AGMO: variants seen among roughly 807,000 people sequenced by gnomAD.
The protein encoded by AGMO is glyceryl-ether monooxygenase.
In AGMO, 75 loss-of-function variants were observed where a neutral mutation model predicts 60.2. That is an observed-to-expected ratio of 1.25 (90% CI 1.03 to 1.51). AGMO has a LOEUF of 1.51. Ranked by LOEUF, AGMO falls within the 40% of genes most tolerant of loss-of-function variation. The pLI, the probability that AGMO is intolerant of heterozygous loss-of-function variation, is 0.00. For synonymous variants in AGMO, 261 were observed against 177.1 expected, an observed-to-expected ratio of 1.47 and a Z score of -3.76; for missense variants, 763 against 525.5, an observed-to-expected ratio of 1.45 and a Z score of -4.42.
intron 2 of AGMO, among the ~76,000 whole-genome samples, chr7:15,548,798 T>C (rs1784863988): frequency 1.3e-5 from 2 of 152,140 alleles, no homozygotes; most frequent in Admixed American, 1.3e-4. Context: ...AACGTTCAGT[T>C]TCAGGAAATA....
At chr7:15,225,357 T>A (rs1216420286) in intron 12 of AGMO, among the ~76,000 whole-genome samples, 14 of 152,010 alleles carry the variant, frequency 9.2e-5, no homozygotes, top group Non-Finnish European at 7.4e-5. Context: ...TTGTATTTTC[T>A]TATGATATGT....
chr7:15,320,091 C>T (rs1056903567), intron 12 of AGMO, among the ~76,000 whole-genome samples: 2 of 139,618 alleles, frequency 1.4e-5, no homozygotes, highest in Non-Finnish European at 3.0e-5. Context: ...GGAAGGGGAA[C>T]ATCACACACT....
chr7:15,268,926 G>C (rs556116829), intron 12 of AGMO, among the ~76,000 whole-genome samples: 6 of 152,028 alleles, frequency 3.9e-5, no homozygotes, highest in African/African-American at 7.2e-5. Flanking sequence ...TGTTGAAGCT[G>C]GGTGTTGACT....
intron 8 of AGMO, among the ~76,000 whole-genome samples, chr7:15,388,940 T>C (rs1378425988): frequency 1.3e-5 from 2 of 152,206 alleles, no homozygotes; most frequent in African/African-American, 4.8e-5. Flanking sequence ...ACCTAGAGAA[T>C]TGAACCTAAC....
chr7:15,192,960 ATTC>A, the AGMO span, among the ~76,000 whole-genome samples: 1 of 152,240 alleles, frequency 6.6e-6, no homozygotes, highest in African/African-American at 2.4e-5. Context: ...CAGAATAATT[ATTC>A]TTAATATATA....
chr7:15,557,292 A>G (rs1264529635), intron 2 of AGMO, among the ~76,000 whole-genome samples: 1 of 152,108 alleles, frequency 6.6e-6, no homozygotes, highest in Non-Finnish European at 1.5e-5. Flanking sequence ...AATTCTTCAC[A>G]AACGAATTAG....
intron 12 of AGMO, among the ~76,000 whole-genome samples, chr7:15,213,728 C>G (rs1265502031): frequency 6.6e-6 from 1 of 151,884 alleles, no homozygotes; most frequent in East Asian, 1.9e-4. Context: ...CACTCTGCTT[C>G]CCAAAATTTT....
rs57188178 is a variant in AGMO, at chr7:15,357,105, G to A, written c.1263+8409C>T. On this transcript the variant is annotated intron_variant, in intron 12 of 12. Coordinates refer to ENST00000342526, the MANE Select transcript of AGMO (RefSeq NM_001004320.2). ...CACCATTGCACAGAAGCGAGACTCT[G>A]TCTCATGAAAAAAAAAAAGAAAAAA... is the stretch of plus-strand genomic sequence containing the variant. 2.4e-3 allele frequency among the ~76,000 whole-genome samples: 356 copies of A among 149,896 alleles called. 3 individuals are homozygous for A. Among genetic ancestry groups the A allele is most frequent in the African/African-American group, 8.3e-3 (336 of 40,722 alleles).
At chr7:15,161,396 ATCTC>A in the AGMO span, among the ~76,000 whole-genome samples, 36 of 151,712 alleles carry the variant, frequency 2.4e-4, 1 homozygote, top group South Asian at 1.5e-3. Flanking sequence ...TCTTCCTTAA[ATCTC>A]TCTATCTCTC....
intron 12 of AGMO, among the ~76,000 whole-genome samples, chr7:15,329,899 AAG>A (rs1781450205): frequency 6.6e-6 from 1 of 152,096 alleles, no homozygotes; most frequent in South Asian, 2.1e-4. Context: ...CGGGTCTCTA[AAG>A]TTAACAGAGT....
the AGMO span, among the ~76,000 whole-genome samples, chr7:15,132,185 C>T: frequency 6.6e-5 from 10 of 152,022 alleles, no homozygotes; most frequent in African/African-American, 1.2e-4. Flanking sequence ...CTCTGGTGTT[C>T]GCTGATATTA....
intron 12 of AGMO, among the ~76,000 whole-genome samples, chr7:15,272,712 T>TC (rs1230594370): frequency 6.6e-6 from 1 of 152,206 alleles, no homozygotes; most frequent in Non-Finnish European, 1.5e-5. Flanking sequence ...GACACTGTCT[T>TC]CCACAATGGT....
intron 10 of AGMO, among the ~76,000 whole-genome samples, chr7:15,379,284 G>C (rs944770150): frequency 2.0e-5 from 3 of 152,020 alleles, no homozygotes; most frequent in East Asian, 1.9e-4. Flanking sequence ...AAGCAAAGGA[G>C]ATTGAGACAT....
Position 15,379,920 on chromosome 7 carries a change from T to TC in AGMO, c.1074+5525dup, listed in dbSNP as rs76185249. Reference sequence around the variant, plus strand: ...ACTAAAGACAGAAAGCATATGATTATCCCAATAGATGCAGAAAAAGACTTT... The same window carrying TC: ...ACTAAAGACAGAAAGCATATGATTATCCCCAATAGATGCAGAAAAAGACTTT... On this transcript the variant is annotated intron_variant, in intron 10 of 12. Coordinates refer to ENST00000342526, the MANE Select transcript of AGMO (RefSeq NM_001004320.2). 2.6e-3 allele frequency among the ~76,000 whole-genome samples: 397 copies of TC among 152,258 alleles called. 8 individuals carry two copies. The highest frequency in any genetic ancestry group is 1.5e-3 in the East Asian group (8 of 5,182).
At chr7:15,493,362 C>CACACACA (rs71004386) in intron 3 of AGMO, among the ~76,000 whole-genome samples, 11 of 102,260 alleles carry the variant, frequency 1.1e-4, no homozygotes, top group South Asian at 6.2e-4. Context: ...CACACACACA[C>CACACACA]TTCTTTTTTT....
chr7:15,181,388 G>A, the AGMO span, among the ~76,000 whole-genome samples: 1 of 152,026 alleles, frequency 6.6e-6, no homozygotes, highest in East Asian at 1.9e-4. Context: ...ACTTCCTCCT[G>A]AGCTAGAGCC....
chr7:15,228,612 A>G (rs907644987), intron 12 of AGMO, among the ~76,000 whole-genome samples: 2 of 152,176 alleles, frequency 1.3e-5, no homozygotes, highest in African/African-American at 4.8e-5. Context: ...ATTAAGAGAA[A>G]AGGAGGAAGG....
chr7:15,439,774 C>A (rs925962403), intron 3 of AGMO, among the ~76,000 whole-genome samples: 1 of 152,042 alleles, frequency 6.6e-6, no homozygotes, highest in African/African-American at 2.4e-5. Flanking sequence ...TTTATTTTTC[C>A]CTTTACTACC....
At chr7:15,248,222 A>ATATATCTATATCTATC (rs1554401294) in intron 12 of AGMO, among the ~76,000 whole-genome samples, 6 of 104,188 alleles carry the variant, frequency 5.8e-5, no homozygotes, top group African/African-American at 2.2e-4. Flanking sequence ...ATATATATAT[A>ATATATCTATATCTATC]TATCTTCATC....
Sources: allele counts gnomAD v4.1 joint callset (sites outside exome capture counted in the v4.1 genomes callset), GRCh38; gene constraint gnomAD v4.1.1; transcripts MANE v1.5; gene names NCBI Gene and HGNC (gene_info 2026-07-23, HGNC 2026-07-21).